The following KAZN variants were observed in gnomAD, a reference collection of about 807,000 sequenced individuals.
The protein encoded by KAZN is kazrin.
Under a neutral mutation model 87.4 loss-of-function variants are expected in KAZN, and 40 were observed. The ratio of observed to expected loss-of-function variants is 0.46; its 90% confidence interval spans 0.36 to 0.60. KAZN has a LOEUF of 0.60. Ranked by LOEUF, KAZN falls within the 20% of genes least tolerant of loss-of-function variation. KAZN has a pLI of 0.00. For synonymous variants in KAZN, 466 were observed against 458.3 expected, an observed-to-expected ratio of 1.02 and a Z score of -0.22; for missense variants, 898 against 1,073.9, an observed-to-expected ratio of 0.84 and a Z score of 2.29.
At chr1:14,302,650 T>C (rs6689002) in intron 2 of KAZN, among the ~76,000 whole-genome samples, 1,967 of 152,274 alleles carry the variant, frequency 0.013, 44 homozygotes, top group African/African-American at 0.045. Flanking sequence ...AGTGTCCATA[T>C]ACAATGATCT....
intron 1 of KAZN, among the ~76,000 whole-genome samples, chr1:14,664,794 C>G (rs1639416723): frequency 6.6e-6 from 1 of 151,900 alleles, no homozygotes; most frequent in African/African-American, 2.4e-5. Context: ...GCTGGGACTA[C>G]AGGTACCCAC....
intron 2 of KAZN, among the ~76,000 whole-genome samples, chr1:14,518,586 C>T (rs1671417803): frequency 6.6e-6 from 1 of 152,200 alleles, no homozygotes; most frequent in Admixed American, 6.5e-5. Context: ...CTCGTCGCTT[C>T]ATCTACAATA....
chr1:14,832,667 GC>G (rs1647083529), intron 1 of KAZN, among the ~76,000 whole-genome samples: 1 of 152,162 alleles, frequency 6.6e-6, no homozygotes. Context: ...TTCGTATCGG[GC>G]TGCATTCAAA....
At chr1:14,247,810 T>C (rs1406569158) in intron 2 of KAZN, among the ~76,000 whole-genome samples, 3 of 152,130 alleles carry the variant, frequency 2.0e-5, no homozygotes, top group Non-Finnish European at 4.4e-5. Flanking sequence ...TAACTGCTCA[T>C]CCTTTCCTTT....
chr1:14,300,409 T>C (rs889671191), intron 2 of KAZN, among the ~76,000 whole-genome samples: 4 of 152,106 alleles, frequency 2.6e-5, no homozygotes, highest in African/African-American at 9.7e-5. Context: ...TTGTTGAATT[T>C]TCTGTAGAGA....
chr1:14,968,268 G>A (rs577546539), intron 2 of KAZN, among the ~76,000 whole-genome samples: 39 of 152,164 alleles, frequency 2.6e-4, no homozygotes, highest in Admixed American at 4.6e-4. Context: ...AAGAGGGTTC[G>A]TGCTCCTATG....
chr1:14,238,178 T>G (rs967528589), intron 2 of KAZN, among the ~76,000 whole-genome samples: 3 of 152,178 alleles, frequency 2.0e-5, no homozygotes, highest in African/African-American at 7.2e-5. Flanking sequence ...AGGCCATTTT[T>G]GAGGATTAAA....
chr1:14,611,335 G>C (rs1222252430), intron 1 of KAZN, among the ~76,000 whole-genome samples: 1 of 152,196 alleles, frequency 6.6e-6, no homozygotes, highest in East Asian at 1.9e-4. Context: ...TTCATTTGAA[G>C]ATCTATTTAT....
rs759920405 is a variant in KAZN at position 15,065,686 on chromosome 1, C to A, written c.1155C>A (p.Phe385Leu). 5 of 1,614,076 alleles carry A rather than the reference C, an allele frequency of 3.1e-6. No individual in the cohort carries two copies. The highest frequency in any genetic ancestry group is 1.3e-5 in the African/African-American group (1 of 74,950). ...AAAAGAAGAAAGAGAAGATGGGATTCGGCTCCATCTCCCGCGTCTTCGCCA... is the reference window on the plus strand; with the variant it reads ...AAAAGAAGAAAGAGAAGATGGGATTAGGCTCCATCTCCCGCGTCTTCGCCA... ...KRKKKKEKMG[F>L]GSISRVFARG... The change falls in exon 8 of 15, where the codon TTC (phenylalanine) becomes TTA (leucine). Residue 385 changes from phenylalanine (F) to leucine (L), a missense_variant. Physicochemically the swap from Phe to Leu is conservative, Grantham distance 22. Transcript: ENST00000376030.
At chr1:13,908,976 C>T (rs1300175753) in intron 1 of KAZN, among the ~76,000 whole-genome samples, 2 of 152,204 alleles carry the variant, frequency 1.3e-5, no homozygotes, top group Non-Finnish European at 2.9e-5. Context: ...CGCAAAGCAG[C>T]AGAGCTCGCA....
intron 1 of KAZN, among the ~76,000 whole-genome samples, chr1:13,949,200 A>T (rs544052696): frequency 6.6e-5 from 10 of 152,262 alleles, no homozygotes; most frequent in South Asian, 2.1e-4. Context: ...TTTTATTTTC[A>T]GCAGCTCTGA....
intron 1 of KAZN, among the ~76,000 whole-genome samples, chr1:14,812,285 G>A (rs908195862): frequency 6.6e-6 from 1 of 152,180 alleles, no homozygotes; most frequent in Non-Finnish European, 1.5e-5. Context: ...ACAGAGAGGA[G>A]CTCAGACTAC....
intron 2 of KAZN, among the ~76,000 whole-genome samples, chr1:14,479,844 G>T (rs1442898495): frequency 6.6e-6 from 1 of 152,136 alleles, no homozygotes; most frequent in Non-Finnish European, 1.5e-5. Context: ...CCCTACTTCA[G>T]CAGGTGTCTC....
intron 2 of KAZN, among the ~76,000 whole-genome samples, chr1:14,390,056 T>C (rs749917485): frequency 4.6e-5 from 7 of 152,218 alleles, no homozygotes; most frequent in Non-Finnish European, 1.0e-4. Context: ...TACGTGGGCA[T>C]ATTTTAGAAT....
intron 1 of KAZN, among the ~76,000 whole-genome samples, chr1:14,644,277 G>A (rs1378271148): frequency 4.0e-5 from 6 of 151,370 alleles, no homozygotes; most frequent in Non-Finnish European, 8.8e-5. Flanking sequence ...CTCCCAAAAT[G>A]CTGGGATTAC....
intron 2 of KAZN, among the ~76,000 whole-genome samples, chr1:14,424,502 A>G (rs1004172270): frequency 1.1e-4 from 17 of 152,112 alleles, no homozygotes; most frequent in Admixed American, 5.2e-4. Context: ...TCACCCACAC[A>G]TACGCAGAGC....
chr1:14,124,746 C>T (rs568182942), intron 1 of KAZN, among the ~76,000 whole-genome samples: 2 of 152,274 alleles, frequency 1.3e-5, no homozygotes, highest in African/African-American at 2.4e-5. Context: ...CGCCCTCTTG[C>T]GGAATACTCA....
At chr1:14,827,628 T>C (rs1165742844) in intron 1 of KAZN, among the ~76,000 whole-genome samples, 2 of 151,982 alleles carry the variant, frequency 1.3e-5, no homozygotes, top group Admixed American at 1.3e-4. Context: ...AAAGAGGGAG[T>C]GGGTCCCAGA....
At chr1:14,149,104 C>CTTTT (rs57657728) in intron 1 of KAZN, among the ~76,000 whole-genome samples, 41,014 of 69,568 alleles carry the variant, frequency 0.59, 13,913 homozygotes, top group African/African-American at 0.64. Flanking sequence ...TCTTTCTTTC[C>CTTTT]TTTTTTTTTT....
Sources: gnomAD v4.1 joint callset for allele counts (sites outside exome capture counted in the v4.1 genomes callset) on GRCh38, gnomAD v4.1.1 for gene constraint, MANE v1.5 for transcripts, NCBI Gene and HGNC (gene_info 2026-07-23, HGNC 2026-07-21) for gene names.